The following CYFIP1 variants were observed in gnomAD, a reference collection of about 807,000 sequenced individuals.
CYFIP1 encodes the protein cytoplasmic FMR1 interacting protein 1, also known as cytoplasmic FMR1-interacting protein 1.
In CYFIP1, 58 loss-of-function variants were observed where a neutral mutation model predicts 163.5. The observed-to-expected ratio is 0.35, with a 90% CI of 0.29 to 0.44. CYFIP1 has a LOEUF of 0.44. Among genes scored for constraint, CYFIP1 ranks in the 20% least tolerant of loss-of-function variants. The pLI is 1.00. For missense variants in CYFIP1, 1,338 were observed against 1,653.8 expected, an observed-to-expected ratio of 0.81 and a Z score of 3.31; for synonymous variants, 663 against 660.7, an observed-to-expected ratio of 1.00 and a Z score of -0.05.
intron 12 of CYFIP1, among the ~76,000 whole-genome samples, chr15:22,926,411 G>A (rs2061358925): frequency 6.6e-6 from 1 of 152,170 alleles, no homozygotes; most frequent in Admixed American, 6.5e-5. Flanking sequence ...AGTGGCTCAT[G>A]CCTATGACCC....
At chr15:22,925,797 A>G (rs2061337377) in intron 13 of CYFIP1, among the ~76,000 whole-genome samples, 185 bp downstream of exon 13, 1 of 152,100 alleles carries the variant, frequency 6.6e-6, no homozygotes, top group Non-Finnish European at 1.5e-5. Context: ...TTCAGTGCAG[A>G]CCCAGGACCG....
chr15:22,896,730 C>T (rs974798714), intron 22 of CYFIP1, among the ~76,000 whole-genome samples: 1 of 152,194 alleles, frequency 6.6e-6, no homozygotes, highest in African/African-American at 2.4e-5. Flanking sequence ...TGCATAGTCG[C>T]TGCCTTAACA....
At position 22,875,890 on chromosome 15, in the gene CYFIP1, A is replaced by ACATATATATATG. The variant is rs1595491064; in HGVS notation, c.3043-620_3043-619insCATATATATATG. On this transcript the variant is annotated intron_variant, in intron 26 of 30. Transcript: ENST00000617928. ...AGGTCCGTTCTCCAGAATAACATAT[A>ACATATATATATG]TATATATAAAGAAAATGTACCTCCA... Among the ~76,000 whole-genome samples, 3 of 133,024 alleles carry ACATATATATATG rather than the reference A, an allele frequency of 2.3e-5. 1 individual carries two copies. Among genetic ancestry groups the ACATATATATATG allele is most frequent in the African/African-American group, 6.4e-5 (2 of 31,058 alleles). The allele number at this position is 133,024 out of a possible 152,430, so 87.3% of individuals were successfully genotyped here.
chr15:22,944,307 A>T (rs1480039604), intron 5 of CYFIP1, among the ~76,000 whole-genome samples: 3 of 152,100 alleles, frequency 2.0e-5, no homozygotes, highest in Non-Finnish European at 4.4e-5. Context: ...AAACTGACAG[A>T]AAGCAGGCTC....
At chr15:22,888,409 T>C (rs1039611820) in intron 23 of CYFIP1, among the ~76,000 whole-genome samples, 1 of 152,160 alleles carries the variant, frequency 6.6e-6, no homozygotes, top group Non-Finnish European at 1.5e-5. Context: ...TCAGTGTCAC[T>C]TGTATATGTC....
intron 20 of CYFIP1, 59 bp downstream of exon 20, chr15:22,910,460 GA>G (rs1214930599): frequency 4.1e-6 from 6 of 1,458,850 alleles, no homozygotes; most frequent in Non-Finnish European, 5.7e-6. Context: ...GCACCCAGCC[GA>G]AAACCCAGTC....
intron 22 of CYFIP1, among the ~76,000 whole-genome samples, chr15:22,902,062 G>C (rs2060410457): frequency 6.6e-6 from 1 of 152,218 alleles, no homozygotes. Flanking sequence ...TGCCCAACAG[G>C]TATGGCCCGA....
chr15:22,913,925 C>G (rs72698052), intron 17 of CYFIP1, among the ~76,000 whole-genome samples: 10,993 of 152,304 alleles, frequency 0.072, 584 homozygotes, highest in East Asian at 0.17. Flanking sequence ...TGTGTGAGGA[C>G]TGACGCACAA....
At chr15:22,915,696 C>G (rs2060951785) in intron 16 of CYFIP1, among the ~76,000 whole-genome samples, 1 of 152,126 alleles carries the variant, frequency 6.6e-6, no homozygotes, top group South Asian at 2.1e-4. Flanking sequence ...TTGCAGTGAG[C>G]TGAGATCGCC....
Position 22,905,783 on chromosome 15 carries a change from G to A in CYFIP1, c.2389-1878C>T, listed in dbSNP as rs529090490. On this transcript the variant is annotated intron_variant, in intron 21 of 30. Coordinates refer to ENST00000617928, the MANE Select transcript of CYFIP1 (RefSeq NM_014608.6). ...TTTTTTTTTGTTTTTGTTTTGAGAC[G>A]GAGTCTCGCTCTGTCACCCAGGCTG... Among the ~76,000 whole-genome samples the A allele has an allele frequency of 4.5e-4, 67 of 149,628 alleles. 3 individuals carry two copies. The South Asian group carries it at 9.1e-3, about 20-fold the overall frequency.
rs540708255 is a variant in CYFIP1 at position 22,919,006 on chromosome 15, G to A, written c.1360-148C>T. 54 of 625,628 alleles carry A rather than the reference G, an allele frequency of 8.6e-5. No individual in the cohort carries two copies. The Middle Eastern group carries it at 1.3e-3, about 15-fold the overall frequency. 38.8% of individuals were successfully genotyped at this position (625,628 alleles called of 1,614,324 possible). A position where few individuals can be genotyped will look rare whatever the true frequency, so the allele number is the denominator to read the frequency against. ...CCCTGCAGCTGCCCTGCCCCAAAAC[G>A]TCTTCTCCAAAGCCATAGTCAATGG... is the stretch of plus-strand genomic sequence containing the variant. On this transcript the variant is annotated intron_variant, in intron 13 of 30. Coordinates refer to ENST00000617928, the MANE Select transcript of CYFIP1 (RefSeq NM_014608.6).
At chr15:22,979,294 G>T (rs1430062016) in intron 1 of CYFIP1, among the ~76,000 whole-genome samples, 1 of 152,098 alleles carries the variant, frequency 6.6e-6, no homozygotes, top group Non-Finnish European at 1.5e-5. Flanking sequence ...CGCGGGTCCC[G>T]GCCTGGCCGG....
Position 22,869,770 on chromosome 15 carries a change from A to G in CYFIP1, c.*258T>C, listed in dbSNP as rs2059370336. 3.1e-6 allele frequency: 1 copy of G among 320,900 alleles called. No homozygotes were observed. Among genetic ancestry groups the G allele is most frequent in the Non-Finnish European group, 5.6e-6 (1 of 178,488 alleles). The allele number at this position is 320,900 out of a possible 1,614,324, so 19.9% of individuals were successfully genotyped here. The stretch of plus-strand genomic sequence containing the variant: ...CATTTTATGACACAGCTGCCAGAAC[A>G]TCCCATAGAAAAACAATTTTGTAGG... On this transcript the variant is annotated 3_prime_UTR_variant, in exon 31 of 31. Coordinates refer to ENST00000617928, the MANE Select transcript of CYFIP1 (RefSeq NM_014608.6).
intron 9 of CYFIP1, among the ~76,000 whole-genome samples, chr15:22,934,177 CTTTTTTTTTTTTT>C (rs1163626431): frequency 2.0e-4 from 13 of 66,162 alleles, no homozygotes; most frequent in Admixed American, 2.1e-4. Flanking sequence ...GCATTTCTTT[CTTTTTTTTTTTTT>C]TTTTTTTTTT....
chr15:22,914,678 C>T (rs1458329634), intron 17 of CYFIP1, 48 bp downstream of exon 17: 1 of 1,555,032 alleles, frequency 6.4e-7, no homozygotes, highest in Admixed American at 1.9e-5. Flanking sequence ...TCTGAGGACC[C>T]CCGGTCACCA....
chr15:22,894,847 G>C lies in CYFIP1; in HGVS notation c.2589-1870C>G, dbSNP rs2060188631. On this transcript the variant is annotated intron_variant, in intron 22 of 30. Coordinates refer to ENST00000617928, the MANE Select transcript of CYFIP1 (RefSeq NM_014608.6). Reference sequence around the variant, plus strand: ...ATATATATACATTTATAGTCTATATGTATATATTATATATTTTATATATAT... The same window carrying C: ...ATATATATACATTTATAGTCTATATCTATATATTATATATTTTATATATAT... Among the ~76,000 whole-genome samples the C allele has an allele frequency of 2.1e-5, 3 of 143,178 alleles. 1 individual carries two copies. In the South Asian group the frequency reaches 6.6e-4, roughly 31 times the overall value. The allele number at this position is 143,178 out of a possible 152,430, so 93.9% of individuals were successfully genotyped here.
In CYFIP1 at chr15:22,932,233, C is replaced by T; in HGVS notation, c.1100G>A (p.Ser367Asn). The T allele has an allele frequency of 6.2e-7, 1 of 1,610,724 alleles. No homozygotes were observed. The highest frequency in any genetic ancestry group is 8.5e-7 in the Non-Finnish European group (1 of 1,178,210). ...GGTCGCGGGGCGCACCTCGCTGTTG[C>T]TGTAGCGCGCCAGCTCCGAAATGAA... ...MRFISELARY[S>N]NSEVVTGSGR... Residue 367 changes from serine to asparagine, a missense_variant, in exon 11 of 31, where the codon AGC becomes AAC. Ser to Asn is a conservative substitution (Grantham distance 46, BLOSUM62 1). This residue lies in a region of CYFIP1 where 824 missense variants were observed against 995.7 expected (regional missense o/e 0.83). Coordinates refer to ENST00000617928, the MANE Select transcript of CYFIP1 (RefSeq NM_014608.6).
At chr15:22,916,379 G>GA in intron 16 of CYFIP1, 98 bp downstream of exon 16, 1 of 900,916 alleles carries the variant, frequency 1.1e-6, no homozygotes, top group East Asian at 2.4e-5. Context: ...TGCACCAAGG[G>GA]ACGGGGTAGG....
chr15:22,978,251 C>T (rs1455871218), intron 1 of CYFIP1, among the ~76,000 whole-genome samples: 2 of 141,574 alleles, frequency 1.4e-5, no homozygotes, highest in Non-Finnish European at 3.0e-5. Context: ...ACTCAGGGGG[C>T]TGAGGTGGGA....
Sources: allele counts gnomAD v4.1 joint callset (sites outside exome capture counted in the v4.1 genomes callset), GRCh38; gene constraint gnomAD v4.1.1; regional missense constraint gnomAD v4.1.1; transcripts MANE v1.5; gene names NCBI Gene and HGNC (gene_info 2026-07-23, HGNC 2026-07-21).